The following CACNA2D1 variants were observed in gnomAD, a reference collection of about 807,000 sequenced individuals.
CACNA2D1 encodes the protein calcium voltage-gated channel auxiliary subunit alpha2delta 1, also known as voltage-dependent calcium channel subunit alpha-2/delta-1.
A neutral mutation model predicts 171.5 loss-of-function variants in CACNA2D1; 53 were observed. That is an observed-to-expected ratio of 0.31 (90% CI 0.25 to 0.39). The LOEUF (loss-of-function observed/expected upper bound fraction) is 0.39, where lower values mean the gene tolerates loss of function less well. CACNA2D1 is among the 10% of genes least tolerant of loss of function. CACNA2D1 has a pLI of 1.00. For synonymous variants in CACNA2D1, 442 were observed against 443.1 expected (o/e 1.00, Z 0.03); for missense variants, 903 against 1,299.8 (o/e 0.69, Z 4.69).
intron 6 of CACNA2D1, among the ~76,000 whole-genome samples, chr7:82,098,487 G>A (rs898442074): frequency 2.0e-5 from 3 of 151,996 alleles, no homozygotes; most frequent in Admixed American, 6.6e-5. Context: ...GGGATAGAAC[G>A]CCTGCATATC....
intron 21 of CACNA2D1, 49 bp downstream of exon 21, chr7:81,991,136 A>T: frequency 1.1e-6 from 1 of 907,840 alleles, no homozygotes. Flanking sequence ...ATGCAGACTT[A>T]ATATTAATCC....
intron 1 of CACNA2D1, among the ~76,000 whole-genome samples, chr7:82,405,571 T>C (rs1360518177): frequency 6.6e-6 from 1 of 152,122 alleles, no homozygotes; most frequent in Admixed American, 6.6e-5. Flanking sequence ...TTAACAGAAA[T>C]GCATCTGTGA....
intron 7 of CACNA2D1, among the ~76,000 whole-genome samples, chr7:82,071,226 A>G: frequency 6.6e-6 from 1 of 152,202 alleles, no homozygotes; most frequent in East Asian, 1.9e-4. Flanking sequence ...TGTGCCAGAA[A>G]GTGTTTTAGA....
At chr7:82,275,448 C>T (rs1483306764) in intron 3 of CACNA2D1, among the ~76,000 whole-genome samples, 2 of 152,094 alleles carry the variant, frequency 1.3e-5, no homozygotes, top group Non-Finnish European at 2.9e-5. Context: ...CAGCTGTTCA[C>T]CCAAGGTGAA....
At chr7:82,431,863 C>T (rs1177016372) in intron 1 of CACNA2D1, among the ~76,000 whole-genome samples, 1 of 151,430 alleles carries the variant, frequency 6.6e-6, no homozygotes, top group African/African-American at 2.4e-5. Flanking sequence ...CATGGTGAAA[C>T]CCTATCTCTA....
chr7:82,132,717 G>A (rs903624701), intron 5 of CACNA2D1, among the ~76,000 whole-genome samples: 1 of 152,174 alleles, frequency 6.6e-6, no homozygotes, highest in Non-Finnish European at 1.5e-5. Flanking sequence ...TATCCAGAAT[G>A]TTCCTAGAGA....
intron 37 of CACNA2D1, 65 bp downstream of exon 37, chr7:81,959,655 G>T: frequency 6.7e-7 from 1 of 1,484,682 alleles, no homozygotes; most frequent in Non-Finnish European, 9.3e-7. Context: ...TATAAACAAT[G>T]TGACAAGATT....
chr7:82,171,783 T>A (rs898168597), intron 3 of CACNA2D1, among the ~76,000 whole-genome samples: 5 of 152,098 alleles, frequency 3.3e-5, no homozygotes, highest in African/African-American at 9.7e-5. Context: ...ATAATAAATA[T>A]ACTAAACTCA....
chr7:82,433,742 T>C (rs945928931), intron 1 of CACNA2D1, among the ~76,000 whole-genome samples: 2 of 152,174 alleles, frequency 1.3e-5, no homozygotes, highest in African/African-American at 4.8e-5. Context: ...CTTCCACACC[T>C]TCCCCACCCT....
chr7:82,238,879 C>T (rs150767796), intron 3 of CACNA2D1, among the ~76,000 whole-genome samples: 24 of 151,990 alleles, frequency 1.6e-4, no homozygotes, highest in African/African-American at 4.1e-4. Flanking sequence ...TGGGAATAAA[C>T]GGGGCAATTG....
intron 38 of CACNA2D1, 76 bp downstream of exon 38, chr7:81,959,199 A>C: frequency 9.5e-7 from 1 of 1,049,296 alleles, no homozygotes; most frequent in Non-Finnish European, 1.5e-6. Flanking sequence ...TTAAAATTGC[A>C]ATTTGTATCC....
chr7:82,057,762 G>A (rs552921637), intron 10 of CACNA2D1, among the ~76,000 whole-genome samples: 75 of 152,182 alleles, frequency 4.9e-4, no homozygotes, highest in African/African-American at 1.8e-3. Context: ...ATAGGCCCCA[G>A]GAGGAGTAAG....
intron 1 of CACNA2D1, among the ~76,000 whole-genome samples, chr7:82,357,072 C>A (rs1288602094): frequency 2.0e-5 from 3 of 152,076 alleles, no homozygotes; most frequent in African/African-American, 7.2e-5. Flanking sequence ...ATATCCTCTA[C>A]TTCACTTTAT....
intron 1 of CACNA2D1, among the ~76,000 whole-genome samples, chr7:82,384,916 A>T (rs1824159984): frequency 6.6e-6 from 1 of 152,230 alleles, no homozygotes; most frequent in African/African-American, 2.4e-5. Context: ...ATGATGTAAG[A>T]ATCAATTAAT....
intron 5 of CACNA2D1, among the ~76,000 whole-genome samples, chr7:82,118,744 C>A (rs1377169067): frequency 4.8e-4 from 73 of 152,106 alleles, no homozygotes; most frequent in African/African-American, 1.7e-3. Flanking sequence ...ATATAAATGG[C>A]TTTTAGAAAT....
At chr7:82,161,232 T>G (rs1794917077) in intron 4 of CACNA2D1, among the ~76,000 whole-genome samples, 1 of 152,056 alleles carries the variant, frequency 6.6e-6, no homozygotes, top group South Asian at 2.1e-4. Flanking sequence ...TCTCTGAGGG[T>G]TTTATGGCTT....
chr7:82,270,953 C>A (rs1428853632), intron 3 of CACNA2D1, among the ~76,000 whole-genome samples: 5 of 152,100 alleles, frequency 3.3e-5, no homozygotes, highest in African/African-American at 1.2e-4. Flanking sequence ...CAAACTACTT[C>A]TTTATCCAAA....
chr7:82,350,326 A>G (rs1819708184), intron 1 of CACNA2D1, among the ~76,000 whole-genome samples: 1 of 152,144 alleles, frequency 6.6e-6, no homozygotes. Flanking sequence ...TTTAACCACT[A>G]CATACTACAC....
intron 3 of CACNA2D1, among the ~76,000 whole-genome samples, chr7:82,319,589 T>G (rs745440170): frequency 6.6e-6 from 1 of 152,202 alleles, no homozygotes; most frequent in South Asian, 2.1e-4. Context: ...AACCACATTA[T>G]GTTGTTGTGC....
Sources: allele counts gnomAD v4.1 joint callset (sites outside exome capture counted in the v4.1 genomes callset), GRCh38; gene constraint gnomAD v4.1.1; transcripts MANE v1.5; gene names NCBI Gene and HGNC (gene_info 2026-07-23, HGNC 2026-07-21).